Variants in PDE4D observed in about 807,000 individuals in gnomAD.
PDE4D encodes the protein 3',5'-cyclic-AMP phosphodiesterase 4D.
PDE4D carries 24 observed loss-of-function variants against 87.4 expected under a neutral mutation model. The ratio of observed to expected loss-of-function variants is 0.27; its 90% CI spans 0.20 to 0.39. The LOEUF is 0.39. Ranked by LOEUF, PDE4D falls within the 10% of genes least tolerant of loss-of-function variation. The probability of loss-of-function intolerance (pLI) is 1.00; values close to 1 mark genes in which losing one functional copy is unlikely to be tolerated. For missense variants in PDE4D, 714 were observed against 1,041.0 expected (o/e 0.69, Z 4.32); for synonymous variants, 384 against 383.2 (o/e 1.00, Z -0.02).
chr5:60,417,415 C>T (rs1005968496), intron 1 of PDE4D, among the ~76,000 whole-genome samples: 8 of 152,220 alleles, frequency 5.3e-5, no homozygotes, highest in South Asian at 2.1e-4. Flanking sequence ...GTTTCCCTCA[C>T]ACAGTTCTAA....
At chr5:59,470,904 G>A (rs1272002672) in intron 1 of PDE4D, among the ~76,000 whole-genome samples, 2 of 152,098 alleles carry the variant, frequency 1.3e-5, no homozygotes, top group Non-Finnish European at 2.9e-5. Flanking sequence ...TCAGCAAACT[G>A]TGAACTGACC....
intron 1 of PDE4D, among the ~76,000 whole-genome samples, chr5:59,493,737 CGAGA>C: frequency 6.6e-6 from 1 of 152,152 alleles, no homozygotes; most frequent in East Asian, 1.9e-4. Context: ...GAATGAATAA[CGAGA>C]GAGATGTGGC....
intron 1 of PDE4D, among the ~76,000 whole-genome samples, chr5:60,309,661 G>GA (rs1010731917): frequency 2.0e-5 from 3 of 149,382 alleles, no homozygotes; most frequent in African/African-American, 7.4e-5. Context: ...AAAAGAACAG[G>GA]AAAAAACGAC....
intron 1 of PDE4D, among the ~76,000 whole-genome samples, chr5:60,517,640 C>T (rs142202506): frequency 2.0e-5 from 3 of 149,816 alleles, no homozygotes; most frequent in African/African-American, 7.7e-5. Context: ...AGGAGCTACC[C>T]ACTGTGGGTC....
chr5:60,045,476 TA>T (rs1449361419), intron 2 of PDE4D, among the ~76,000 whole-genome samples: 1 of 152,210 alleles, frequency 6.6e-6, no homozygotes, highest in Non-Finnish European at 1.5e-5. Flanking sequence ...GGTTTTCTCC[TA>T]GGGTTTTTAT....
chr5:60,517,468 C>G (rs920664425), intron 1 of PDE4D, among the ~76,000 whole-genome samples: 3 of 152,232 alleles, frequency 2.0e-5, no homozygotes, highest in Admixed American at 1.3e-4. Context: ...TGTCCATAGA[C>G]CAATTAGCAC....
intron 1 of PDE4D, among the ~76,000 whole-genome samples, chr5:59,422,812 A>T (rs1037972502): frequency 2.6e-5 from 4 of 152,230 alleles, no homozygotes; most frequent in African/African-American, 9.6e-5. Context: ...AACTGATTGC[A>T]GAACAAAGGT....
chr5:59,851,408 A>G (rs943703708), intron 1 of PDE4D, among the ~76,000 whole-genome samples: 3 of 152,062 alleles, frequency 2.0e-5, no homozygotes, highest in Non-Finnish European at 4.4e-5. Context: ...TAATTACCCC[A>G]TAAGAGTAAA....
chr5:59,998,987 G>A (rs1763778661), intron 2 of PDE4D, among the ~76,000 whole-genome samples: 1 of 152,158 alleles, frequency 6.6e-6, no homozygotes, highest in South Asian at 2.1e-4. Context: ...TCATCAGCGA[G>A]AGAGCTAATT....
intron 1 of PDE4D, among the ~76,000 whole-genome samples, chr5:59,419,555 T>A (rs1164578844): frequency 1.3e-5 from 2 of 152,204 alleles, no homozygotes; most frequent in African/African-American, 4.8e-5. Context: ...TATAGTTACA[T>A]GTGCATTATA....
chr5:59,253,753 T>C (rs1401841992), intron 1 of PDE4D, among the ~76,000 whole-genome samples: 1 of 152,112 alleles, frequency 6.6e-6, no homozygotes, highest in Non-Finnish European at 1.5e-5. Flanking sequence ...GGTTAGAATT[T>C]TGATCATTAA....
intron 5 of PDE4D, among the ~76,000 whole-genome samples, chr5:59,164,214 T>C (rs1196321202): frequency 6.6e-6 from 1 of 152,222 alleles, no homozygotes; most frequent in African/African-American, 2.4e-5. Context: ...GCTAGTTTCT[T>C]GTGAACACAG....
chr5:59,877,774 G>A (rs1208646334), intron 1 of PDE4D, among the ~76,000 whole-genome samples: 7 of 151,990 alleles, frequency 4.6e-5, no homozygotes, highest in African/African-American at 1.2e-4. Context: ...AGCCAAGATC[G>A]CGCCACTGCA....
chr5:60,438,187 T>G (rs1744911354), intron 1 of PDE4D, among the ~76,000 whole-genome samples: 1 of 152,122 alleles, frequency 6.6e-6, no homozygotes, highest in African/African-American at 2.4e-5. Context: ...ATTAACCAAA[T>G]GCTAACCATG....
chr5:60,098,035 T>C (rs1775847159), intron 2 of PDE4D, among the ~76,000 whole-genome samples: 1 of 151,940 alleles, frequency 6.6e-6, no homozygotes. Context: ...TGAATGTCTG[T>C]TACCCTCATC....
chr5:59,877,262 C>T (rs1748728632), intron 1 of PDE4D, among the ~76,000 whole-genome samples: 2 of 152,006 alleles, frequency 1.3e-5, no homozygotes, highest in South Asian at 2.1e-4. Context: ...AATGCAAAGG[C>T]TTGTTAAGTG....
intron 1 of PDE4D, chr5:59,586,615 T>A (rs960361707): frequency 8.0e-7 from 1 of 1,251,104 alleles, no homozygotes; most frequent in African/African-American, 1.5e-5. Flanking sequence ...TATGGGTCCA[T>A]CCATTTAGGT....
chr5:59,722,398 G>A (rs978680254), intron 1 of PDE4D, among the ~76,000 whole-genome samples: 3 of 152,196 alleles, frequency 2.0e-5, no homozygotes, highest in Admixed American at 2.0e-4. Context: ...TCAAAGCACA[G>A]TGCAACTAAA....
chr5:60,135,867 T>G (rs1284864947), intron 2 of PDE4D, among the ~76,000 whole-genome samples: 1 of 152,208 alleles, frequency 6.6e-6, no homozygotes, highest in African/African-American at 2.4e-5. Flanking sequence ...TGAAAAGTAC[T>G]GCTCAAAAGA....
Sources: gnomAD v4.1 joint callset for allele counts (sites outside exome capture counted in the v4.1 genomes callset) on GRCh38, gnomAD v4.1.1 for gene constraint, MANE v1.5 for transcripts, NCBI Gene and HGNC (gene_info 2026-07-23, HGNC 2026-07-21) for gene names.